The following MPDZ variants were observed in gnomAD, a reference collection of about 807,000 sequenced individuals.
MPDZ encodes multiple PDZ domain crumbs cell polarity complex component.
MPDZ carries 234 observed loss-of-function variants against 239.1 expected under a neutral mutation model. The observed-to-expected ratio is 0.98, with a 90% CI of 0.88 to 1.09. MPDZ has a LOEUF of 1.09. MPDZ is among the 50% of genes least tolerant of loss of function. MPDZ has a pLI of 0.00. For synonymous variants in MPDZ, 1,048 were observed against 881.3 expected (o/e 1.19, Z -3.35); for missense variants, 3,175 against 2,510.0 (o/e 1.26, Z -5.66).
At chr9:13,193,610 C>A (rs1053742650) in intron 13 of MPDZ, among the ~76,000 whole-genome samples, 2 of 152,016 alleles carry the variant, frequency 1.3e-5, no homozygotes, top group Admixed American at 1.3e-4. Flanking sequence ...AGTAGAAAAA[C>A]GAGGTTCAGA....
At chr9:13,177,512 A>G (rs1298387731) in intron 19 of MPDZ, among the ~76,000 whole-genome samples, 3 of 152,088 alleles carry the variant, frequency 2.0e-5, no homozygotes, top group Non-Finnish European at 4.4e-5. Flanking sequence ...TATTTTTAAA[A>G]ACTAAACACA....
At chr9:13,189,981 C>A in intron 16 of MPDZ, 133 bp downstream of exon 16, 1 of 721,070 alleles carries the variant, frequency 1.4e-6, no homozygotes, top group Non-Finnish European at 2.2e-6. Context: ...TCAGTGAATC[C>A]TATAAATCAC....
chr9:13,208,075 A>G (rs1564031263), intron 10 of MPDZ, among the ~76,000 whole-genome samples: 1 of 152,226 alleles, frequency 6.6e-6, no homozygotes, highest in Admixed American at 6.5e-5. Context: ...CTAAGTTAGA[A>G]AAGATCTGGA....
intron 29 of MPDZ, among the ~76,000 whole-genome samples, chr9:13,137,449 C>T (rs1946990226): frequency 6.6e-6 from 1 of 152,132 alleles, no homozygotes; most frequent in Non-Finnish European, 1.5e-5. Context: ...CAAGGACAAA[C>T]AACACAAGCA....
intron 15 of MPDZ, among the ~76,000 whole-genome samples, chr9:13,191,837 A>G (rs750107737): frequency 4.6e-5 from 7 of 152,166 alleles, no homozygotes; most frequent in Non-Finnish European, 8.8e-5. Context: ...AACATCTAAC[A>G]TGATTACATA....
chr9:13,111,622 A>T (rs1052573472), intron 43 of MPDZ, among the ~76,000 whole-genome samples: 2 of 152,232 alleles, frequency 1.3e-5, no homozygotes, highest in African/African-American at 4.8e-5. Context: ...AAACTTCTGC[A>T]AAATTATCAG....
At chr9:13,111,865 T>C (rs1259183259) in intron 43 of MPDZ, among the ~76,000 whole-genome samples, 159 bp downstream of exon 43, 2 of 152,244 alleles carry the variant, frequency 1.3e-5, no homozygotes, top group African/African-American at 4.8e-5. Flanking sequence ...ATATTCTTTA[T>C]CTTTTATTCC....
At chr9:13,107,446 G>C (rs973525237) in intron 46 of MPDZ, among the ~76,000 whole-genome samples, 1 of 152,124 alleles carries the variant, frequency 6.6e-6, no homozygotes, top group East Asian at 1.9e-4. Flanking sequence ...TGATTCAATA[G>C]AATCCAGGAT....
intron 1 of MPDZ, chr9:13,279,078 G>A (rs1401222735): frequency 6.6e-6 from 1 of 152,286 alleles, no homozygotes; most frequent in Admixed American, 6.5e-5. Context: ...GTGCTGAAAG[G>A]TCTAGGATTA....
chr9:13,137,795 T>C (rs1947047239), intron 29 of MPDZ, among the ~76,000 whole-genome samples, 162 bp downstream of exon 29: 1 of 152,208 alleles, frequency 6.6e-6, no homozygotes, highest in South Asian at 2.1e-4. Flanking sequence ...CTCTACTTGG[T>C]AGAAATTTGG....
intron 24 of MPDZ, among the ~76,000 whole-genome samples, chr9:13,153,248 G>A (rs1297959762): frequency 6.6e-6 from 1 of 152,098 alleles, no homozygotes; most frequent in Non-Finnish European, 1.5e-5. Context: ...CCTTTGGCCA[G>A]TAACTCTTTT....
Position 13,278,344 on chromosome 9 carries a change from G to A in MPDZ, c.-58+1056C>T, listed in dbSNP as rs1974721781. On this transcript the variant is annotated intron_variant, in intron 1 of 46. Transcript: ENST00000319217. ...TCTTCCCAAGCGGAGCACCTCAAAA[G>A]CCGCACCGCGCAGTAGAGGTCTCCA... 2.6e-5 allele frequency among the ~76,000 whole-genome samples: 4 copies of A among 152,208 alleles called. No individual in the cohort carries two copies. The South Asian group carries it at 8.3e-4, about 32-fold the overall frequency.
chr9:13,134,763 C>A (rs1563872422), intron 31 of MPDZ: 2 of 152,280 alleles, frequency 1.3e-5, no homozygotes. Context: ...CTAACAGTCT[C>A]CTAGTTACCA....
rs1329605248 is a variant in MPDZ, at chr9:13,236,249, G to GTGTGTATATATA, written c.183+11385_183+11386insTATATATACACA. 1.4e-4 allele frequency among the ~76,000 whole-genome samples: 5 copies of GTGTGTATATATA among 35,850 alleles called. 1 individual carries two copies. The highest frequency in any genetic ancestry group is 5.8e-4 in the African/African-American group (5 of 8,556). 23.5% of individuals were successfully genotyped at this position (35,850 alleles called of 152,430 possible). ...TGTATATGTATATGTGTGTGTGTGT[G>GTGTGTATATATA]TATATATATATATATATATTTTTTT... On this transcript the variant is annotated intron_variant, in intron 3 of 46. Transcript: ENST00000319217.
chr9:13,116,296 A>G (rs2131363299), intron 39 of MPDZ, among the ~76,000 whole-genome samples: 1 of 152,324 alleles, frequency 6.6e-6, no homozygotes, highest in East Asian at 1.9e-4. Context: ...GTGTGACTGT[A>G]ATGGATGTTT....
chr9:13,223,732 A>G, intron 4 of MPDZ, 22 bp from the exon 5 acceptor site: 1 of 1,559,734 alleles, frequency 6.4e-7, no homozygotes. Context: ...ACAAAGCAAG[A>G]AATAAAACTA....
intron 3 of MPDZ, among the ~76,000 whole-genome samples, chr9:13,231,784 A>C: frequency 6.6e-6 from 1 of 152,036 alleles, no homozygotes; most frequent in East Asian, 1.9e-4. Context: ...CAACTCTAAC[A>C]AGGATTATAC....
intron 39 of MPDZ, among the ~76,000 whole-genome samples, chr9:13,116,092 T>C (rs1943404555): frequency 1.3e-5 from 2 of 152,168 alleles, no homozygotes; most frequent in Admixed American, 1.3e-4. Flanking sequence ...AATAGACTTA[T>C]GATATAAAAT....
At chr9:13,113,258 C>T (rs895170834) in intron 41 of MPDZ, among the ~76,000 whole-genome samples, 1 of 152,040 alleles carries the variant, frequency 6.6e-6, no homozygotes, top group East Asian at 1.9e-4. Context: ...GTATACCATC[C>T]CATTCTTCCT....
Sources: allele counts gnomAD v4.1 joint callset (sites outside exome capture counted in the v4.1 genomes callset), GRCh38; gene constraint gnomAD v4.1.1; transcripts MANE v1.5; gene names NCBI Gene and HGNC (gene_info 2026-07-23, HGNC 2026-07-21).